Variants in HS2ST1 observed in about 807,000 individuals in gnomAD.
HS2ST1 encodes the protein 2-O-sulfotransferase.
In HS2ST1, 18 loss-of-function variants were observed where a neutral mutation model predicts 42.9. That is an observed-to-expected ratio of 0.42 (90% CI 0.29 to 0.62). The LOEUF is 0.62. HS2ST1 is among the 20% of genes least tolerant of loss of function. The probability of loss-of-function intolerance (pLI) is 0.21; values close to 1 mark genes in which losing one functional copy is unlikely to be tolerated. For missense variants in HS2ST1, 334 were observed against 433.8 expected, an observed-to-expected ratio of 0.77 and a Z score of 2.04; for synonymous variants, 146 against 152.9, an observed-to-expected ratio of 0.95 and a Z score of 0.33.
intron 1 of HS2ST1, among the ~76,000 whole-genome samples, chr1:86,945,600 A>G (rs1245357865): frequency 6.6e-6 from 1 of 152,142 alleles, no homozygotes; most frequent in Non-Finnish European, 1.5e-5. Context: ...TCTAGATTCT[A>G]TTCAAGAAGA....
chr1:86,998,051 C>T (rs1195097185), intron 1 of HS2ST1, among the ~76,000 whole-genome samples: 1 of 152,206 alleles, frequency 6.6e-6, no homozygotes, highest in Non-Finnish European at 1.5e-5. Context: ...ACTAACTTTT[C>T]ACTTGCTGTA....
At chr1:87,005,433 G>A (rs1464554208) in intron 1 of HS2ST1, among the ~76,000 whole-genome samples, 1 of 151,944 alleles carries the variant, frequency 6.6e-6, no homozygotes, top group African/African-American at 2.4e-5. Flanking sequence ...GTAAATAAAG[G>A]TATAGCCAGT....
intron 1 of HS2ST1, among the ~76,000 whole-genome samples, chr1:87,025,599 A>G (rs952355477): frequency 1.3e-5 from 2 of 152,148 alleles, no homozygotes; most frequent in African/African-American, 4.8e-5. Flanking sequence ...TCATATAGAA[A>G]ATTTGCATTT....
chr1:87,024,158 G>A (rs137862181), intron 1 of HS2ST1, among the ~76,000 whole-genome samples: 1,551 of 152,188 alleles, frequency 0.01, 11 homozygotes, highest in Non-Finnish European at 0.017. Flanking sequence ...CAGGATTAAT[G>A]GAAGGAGGAA....
chr1:86,964,420 A>G (rs1647974222), intron 1 of HS2ST1, among the ~76,000 whole-genome samples: 1 of 152,202 alleles, frequency 6.6e-6, no homozygotes, highest in Non-Finnish European at 1.5e-5. Context: ...CAGATCACTC[A>G]CGGTTAGGAG....
At chr1:86,990,830 ATATATATT>A (rs1648925434) in intron 1 of HS2ST1, among the ~76,000 whole-genome samples, 1 of 18,576 alleles carries the variant, frequency 5.4e-5, no homozygotes, top group African/African-American at 9.1e-5. Context: ...ATATATATAT[ATATATATT>A]TTTTTTTTTT....
intron 3 of HS2ST1, among the ~76,000 whole-genome samples, chr1:87,085,080 A>G (rs1651788330): frequency 6.6e-6 from 1 of 152,230 alleles, no homozygotes; most frequent in South Asian, 2.1e-4. Flanking sequence ...TAATATTCCA[A>G]ACATAACAGT....
At chr1:87,004,676 C>T (rs1047003410) in intron 1 of HS2ST1, among the ~76,000 whole-genome samples, 3 of 152,006 alleles carry the variant, frequency 2.0e-5, no homozygotes, top group South Asian at 4.2e-4. Context: ...TAGTTTGATA[C>T]GAGAATATAA....
intron 5 of HS2ST1, among the ~76,000 whole-genome samples, chr1:87,102,097 G>A (rs1778011): frequency 0.73 from 110,865 of 151,560 alleles, 42,010 homozygotes; most frequent in East Asian, 0.97. Context: ...TGCTCTTGTC[G>A]CCCAGGCTGG....
chr1:86,976,621 C>T (rs565859263), intron 1 of HS2ST1, among the ~76,000 whole-genome samples: 2 of 146,100 alleles, frequency 1.4e-5, no homozygotes, highest in Admixed American at 7.1e-5. Flanking sequence ...AAATTAAATG[C>T]TATGAAAAAG....
chr1:87,087,081 G>C (rs759597387), intron 3 of HS2ST1, among the ~76,000 whole-genome samples: 32 of 151,886 alleles, frequency 2.1e-4, no homozygotes, highest in Admixed American at 3.3e-4. Flanking sequence ...AGTTCATGAA[G>C]TTTTATTATA....
chr1:87,072,839 T>C, intron 1 of HS2ST1, 95 bp from the exon 2 acceptor site: 1 of 868,842 alleles, frequency 1.2e-6, no homozygotes, highest in Non-Finnish European at 1.8e-6. Flanking sequence ...TTGTTTTCTT[T>C]TTTGTATCTT....
At chr1:86,998,542 A>G (rs377114257) in intron 1 of HS2ST1, among the ~76,000 whole-genome samples, 1 of 152,334 alleles carries the variant, frequency 6.6e-6, no homozygotes, top group South Asian at 2.1e-4. Flanking sequence ...CAGAAGCACA[A>G]CAGTCATTCC....
chr1:87,090,530 T>C (rs1651914219), intron 3 of HS2ST1, among the ~76,000 whole-genome samples: 1 of 151,956 alleles, frequency 6.6e-6, no homozygotes, highest in African/African-American at 2.4e-5. Flanking sequence ...GCAGGATGTG[T>C]CAAATGAAAG....
chr1:86,944,499 T>C (rs1002024922), intron 1 of HS2ST1, among the ~76,000 whole-genome samples: 1 of 151,986 alleles, frequency 6.6e-6, no homozygotes, highest in Admixed American at 6.6e-5. Flanking sequence ...GAATTATAGG[T>C]GTGCACCACC....
At chr1:87,009,907 C>A (rs1649546772) in intron 1 of HS2ST1, among the ~76,000 whole-genome samples, 1 of 151,992 alleles carries the variant, frequency 6.6e-6, no homozygotes, top group Non-Finnish European at 1.5e-5. Flanking sequence ...TGGTGGCGGG[C>A]ACCTGTAGTC....
At chr1:86,938,456 A>G (rs1256639453) in intron 1 of HS2ST1, among the ~76,000 whole-genome samples, 3 of 151,972 alleles carry the variant, frequency 2.0e-5, no homozygotes, top group South Asian at 4.1e-4. Context: ...TTTTTTCTTC[A>G]GCTTTTTAAT....
chr1:87,094,415 T>C (rs950864111), intron 4 of HS2ST1, among the ~76,000 whole-genome samples: 4 of 152,146 alleles, frequency 2.6e-5, no homozygotes, highest in Non-Finnish European at 5.9e-5. Context: ...TTATTTTATA[T>C]GTATTTTTTC....
intron 1 of HS2ST1, among the ~76,000 whole-genome samples, chr1:86,933,673 A>C (rs997463348): frequency 2.7e-5 from 4 of 150,708 alleles, no homozygotes. Context: ...TTGTCTTTTC[A>C]GACTCTGTTT....
Sources: allele counts gnomAD v4.1 joint callset (sites outside exome capture counted in the v4.1 genomes callset), GRCh38; gene constraint gnomAD v4.1.1; transcripts MANE v1.5; gene names NCBI Gene and HGNC (gene_info 2026-07-23, HGNC 2026-07-21).